Variants in KYNU observed in about 807,000 individuals in gnomAD.
The protein encoded by KYNU is L-kynurenine hydrolase.
KYNU carries 54 observed loss-of-function variants against 59.2 expected under a neutral mutation model. The observed-to-expected ratio is 0.91, with a 90% CI of 0.73 to 1.14. KYNU has a LOEUF of 1.14. Among genes scored for constraint, KYNU ranks in the 50% most tolerant of loss-of-function variants. The pLI, the probability that KYNU is intolerant of heterozygous loss-of-function variation, is 0.00. For missense variants in KYNU, 567 were observed against 554.4 expected, an observed-to-expected ratio of 1.02 and a Z score of -0.23; for synonymous variants, 177 against 192.0, an observed-to-expected ratio of 0.92 and a Z score of 0.65.
At chr2:142,968,869 C>T (rs6754283) in intron 8 of KYNU, among the ~76,000 whole-genome samples, 68,908 of 151,824 alleles carry the variant, frequency 0.45, 16,645 homozygotes, top group East Asian at 0.71. Flanking sequence ...ACCAAGATCA[C>T]ACCATTGCAC....
chr2:142,892,393 G>A (rs1013883667), intron 2 of KYNU, among the ~76,000 whole-genome samples: 1 of 152,154 alleles, frequency 6.6e-6, no homozygotes, highest in African/African-American at 2.4e-5. Context: ...TCATGAAGAG[G>A]GAACAGCATT....
At chr2:142,907,602 A>G (rs1291236687) in intron 2 of KYNU, among the ~76,000 whole-genome samples, 1 of 152,246 alleles carries the variant, frequency 6.6e-6, no homozygotes, top group Non-Finnish European at 1.5e-5. Context: ...GACTGAAAAC[A>G]GAGCTCCCAT....
chr2:142,879,704 T>A (rs146769899), intron 1 of KYNU: 7 of 152,200 alleles, frequency 4.6e-5, no homozygotes, highest in Non-Finnish European at 7.3e-5. Flanking sequence ...ATCCTTTTAG[T>A]CCACTGGTTT....
At chr2:142,908,495 A>AT (rs5834925) in intron 2 of KYNU, among the ~76,000 whole-genome samples, 79,911 of 150,836 alleles carry the variant, frequency 0.53, 21,888 homozygotes, top group South Asian at 0.68. Flanking sequence ...TGGTTGTGGG[A>AT]TTTTTTTTAA....
At chr2:142,985,028 CTTA>C in intron 8 of KYNU, 53 bp from the exon 9 acceptor site, 2 of 995,664 alleles carry the variant, frequency 2.0e-6, no homozygotes, top group Non-Finnish European at 3.2e-6. Context: ...AATATTTGTA[CTTA>C]TTATTTCTAA....
intron 2 of KYNU, among the ~76,000 whole-genome samples, chr2:142,897,356 A>T (rs1681914307): frequency 6.6e-6 from 1 of 152,228 alleles, no homozygotes; most frequent in African/African-American, 2.4e-5. Flanking sequence ...ATAATCATAA[A>T]TCCCACTTAA....
intron 11 of KYNU, among the ~76,000 whole-genome samples, chr2:143,032,074 G>A (rs1686763040): frequency 6.6e-6 from 1 of 151,926 alleles, no homozygotes; most frequent in African/African-American, 2.4e-5. Flanking sequence ...TCAGGAGATC[G>A]AGACCACCCT....
intron 10 of KYNU, among the ~76,000 whole-genome samples, chr2:143,002,921 A>C (rs1183320806): frequency 6.6e-6 from 1 of 152,220 alleles, no homozygotes; most frequent in Admixed American, 6.5e-5. Context: ...AATAAAACAT[A>C]AAATAATAGT....
At chr2:142,999,936 T>A (rs1485072119) in intron 10 of KYNU, among the ~76,000 whole-genome samples, 3 of 152,138 alleles carry the variant, frequency 2.0e-5, no homozygotes, top group Non-Finnish European at 4.4e-5. Flanking sequence ...TCTTACCAAG[T>A]TGCAATTTTT....
chr2:142,896,489 T>C, intron 2 of KYNU, among the ~76,000 whole-genome samples: 1 of 152,204 alleles, frequency 6.6e-6, no homozygotes. Flanking sequence ...AATTGGATTT[T>C]TTGTTTTTTA....
chr2:142,928,810 C>T (rs537220452), intron 4 of KYNU, among the ~76,000 whole-genome samples: 1 of 151,848 alleles, frequency 6.6e-6, no homozygotes, highest in Non-Finnish European at 1.5e-5. Flanking sequence ...GAGTTCGAGA[C>T]CAGCCTGGCC....
intron 3 of KYNU, among the ~76,000 whole-genome samples, chr2:142,926,277 A>AT (rs1683042335): frequency 1.3e-5 from 2 of 152,254 alleles, no homozygotes; most frequent in South Asian, 2.1e-4. Flanking sequence ...TTAAAGTATA[A>AT]TAAAAAAAAA....
Position 143,005,227 on chromosome 2 carries a change from T to C in KYNU, c.902+19206T>C, listed in dbSNP as rs140367391. On this transcript the variant is annotated intron_variant, in intron 10 of 13. Coordinates refer to ENST00000264170, the MANE Select transcript of KYNU (RefSeq NM_003937.3). The stretch of plus-strand genomic sequence containing the variant: ...AGTCACAGATGGAGAGATCAATCCT[T>C]CCCCCAGGCACTGTCTAACACTGCT... Among the ~76,000 whole-genome samples, 14 of 152,256 alleles carry C rather than the reference T, an allele frequency of 9.2e-5. 1 individual carries two copies. The highest frequency in any genetic ancestry group is 3.4e-4 in the African/African-American group (14 of 41,544).
At position 143,042,113 on chromosome 2, in the gene KYNU, G is replaced by A. The variant is rs745624060; in HGVS notation, c.1339G>A (p.Val447Ile). The A allele has an allele frequency of 1.2e-6, 2 of 1,610,892 alleles. No homozygotes were observed. Among genetic ancestry groups the A allele is most frequent in the African/African-American group, 1.3e-5 (1 of 74,732 alleles). ...PVPLYNSFHD[V>I]YKFTNLLTSI... Reference sequence around the variant, plus strand: ...TCCTCTCTATAATTCTTTCCATGATGTTTATAAATTTACCAATCTGCTCAC... The same window carrying A: ...TCCTCTCTATAATTCTTTCCATGATATTTATAAATTTACCAATCTGCTCAC... Residue 447 changes from valine (V) to isoleucine (I), a missense_variant, in exon 14 of 14, where the codon GTT becomes ATT. Physicochemically the swap from Val to Ile is conservative, Grantham distance 29 (BLOSUM62 3). Transcript: ENST00000264170.
chr2:143,042,614 A>ATG lies in KYNU; in HGVS notation c.*443_*444insGT, dbSNP rs1271154119. Reference sequence around the variant, plus strand: ...TATATATATATATATATATATATATATATATATATATATATATGTGTGTGT... The same window carrying ATG: ...TATATATATATATATATATATATATATGTATATATATATATATATGTGTGTGT... On this transcript the variant is annotated 3_prime_UTR_variant, in exon 14 of 14. Transcript: ENST00000264170. 2.0e-3 allele frequency: 60 copies of ATG among 29,976 alleles called. No individual in the cohort carries two copies. The highest frequency in any genetic ancestry group is 0.053 in the Middle Eastern group (2 of 38). The allele number at this position is 29,976 out of a possible 1,614,324, so 1.9% of individuals were successfully genotyped here. A position where few individuals can be genotyped will look rare whatever the true frequency, so the allele number is the denominator to read the frequency against.
intron 4 of KYNU, chr2:142,947,112 C>T: frequency 1.9e-6 from 3 of 1,551,084 alleles, no homozygotes; most frequent in Non-Finnish European, 2.6e-6. Context: ...TTTTCAGCCA[C>T]CCTTACAGAC....
At chr2:142,969,810 C>T (rs1036989897) in intron 8 of KYNU, among the ~76,000 whole-genome samples, 2 of 152,058 alleles carry the variant, frequency 1.3e-5, no homozygotes, top group African/African-American at 2.4e-5. Context: ...TAGGGCCTCC[C>T]GAAGGAAGTG....
At chr2:143,027,649 TTGTC>T (rs752222718) in intron 10 of KYNU, among the ~76,000 whole-genome samples, 2 of 152,232 alleles carry the variant, frequency 1.3e-5, no homozygotes, top group African/African-American at 2.4e-5. Flanking sequence ...CCTTGCAATT[TTGTC>T]TGTCTTTTTA....
At chr2:142,962,834 G>GGC (rs1684395118) in intron 8 of KYNU, among the ~76,000 whole-genome samples, 1 of 152,104 alleles carries the variant, frequency 6.6e-6, no homozygotes. Context: ...ACCAAGGTGA[G>GGC]GCAAAGTTCT....
Sources: allele counts gnomAD v4.1 joint callset (sites outside exome capture counted in the v4.1 genomes callset), GRCh38; gene constraint gnomAD v4.1.1; transcripts MANE v1.5; gene names NCBI Gene and HGNC (gene_info 2026-07-23, HGNC 2026-07-21).